The following C1orf141 variants were observed in gnomAD, a reference collection of about 807,000 sequenced individuals.
C1orf141 encodes chromosome 1 open reading frame 141, also known as uncharacterized protein C1orf141.
A neutral mutation model predicts 23.2 loss-of-function variants in C1orf141; 19 were observed. That is an observed-to-expected ratio of 0.82 (90% CI 0.57 to 1.20). The LOEUF (loss-of-function observed/expected upper bound fraction) is 1.20. Ranked by LOEUF, C1orf141 falls within the 50% of genes most tolerant of loss-of-function variation. C1orf141 has a pLI of 0.00. For missense variants in C1orf141, 469 were observed against 455.1 expected, an observed-to-expected ratio of 1.03 and a Z score of -0.28; for synonymous variants, 153 against 154.6, an observed-to-expected ratio of 0.99 and a Z score of 0.08.
At chr1:67,106,471 A>C (rs1394231431) in intron 5 of C1orf141, among the ~76,000 whole-genome samples, 1 of 152,040 alleles carries the variant, frequency 6.6e-6, no homozygotes, top group Non-Finnish European at 1.5e-5. Context: ...ACATGGTGAA[A>C]CCCTGTCTCT....
At chr1:67,141,197 A>G (rs1357914983) in intron 1 of C1orf141, among the ~76,000 whole-genome samples, 4 of 152,350 alleles carry the variant, frequency 2.6e-5, no homozygotes, top group African/African-American at 7.2e-5. Flanking sequence ...AAAGAAAAAG[A>G]TCTGTAATAA....
intron 5 of C1orf141, among the ~76,000 whole-genome samples, chr1:67,102,949 C>A (rs1321721139): frequency 6.6e-6 from 1 of 151,942 alleles, no homozygotes; most frequent in Non-Finnish European, 1.5e-5. Flanking sequence ...CTATTAAAGA[C>A]AATCAGGAAT....
At chr1:67,117,336 T>C (rs981418012) in intron 4 of C1orf141, among the ~76,000 whole-genome samples, 15 of 152,124 alleles carry the variant, frequency 9.9e-5, no homozygotes, top group Admixed American at 2.0e-4. Flanking sequence ...GGCAGGAGAA[T>C]TGCTTGAATC....
At chr1:67,099,179 A>G (rs573219664) in intron 5 of C1orf141, among the ~76,000 whole-genome samples, 66 of 152,334 alleles carry the variant, frequency 4.3e-4, no homozygotes, top group African/African-American at 1.5e-3. Flanking sequence ...AAAAAAGCAG[A>G]TTGTAAAGAA....
intron 7 of C1orf141, 38 bp from the exon 8 acceptor site, chr1:67,093,642 A>AT (rs952288813): frequency 1.4e-6 from 2 of 1,469,042 alleles, no homozygotes; most frequent in Non-Finnish European, 1.8e-6. Context: ...TCATAAGTTC[A>AT]TTGAGTCAAG....
rs1570668188 is a variant in C1orf141, at chr1:67,093,126, G to A, written c.1082C>T (p.Thr361Ile). ...FSAGKPTSIP[T>I]SSALPVKCYS... is the part of the protein sequence containing the mutation. ...ACATTTGACAGGTAAGGCACTGGAT[G>A]TGGGTATGCTCGTTGGTTTTCCTGC... Residue 361 changes from threonine (T) to isoleucine (I), a missense_variant, in exon 8 of 8, where the codon ACA becomes ATA. Physicochemically the swap from Thr to Ile is moderately conservative, Grantham distance 89. Around this residue, in one of 3 missense-constraint regions of C1orf141, gnomAD observed 370 missense variants for 348.1 expected, o/e 1.06. Transcript: ENST00000684719. 1 of 1,613,980 alleles carries A rather than the reference G, an allele frequency of 6.2e-7. No individual in the cohort carries two copies. The highest frequency in any genetic ancestry group is 1.7e-4 in the Middle Eastern group (1 of 6,060).
Position 67,093,561 on chromosome 1 carries a change from T to C in C1orf141, c.647A>G (p.Tyr216Cys). The C allele has an allele frequency of 6.3e-7, 1 of 1,582,366 alleles. No individual in the cohort carries two copies. Among genetic ancestry groups the C allele is most frequent in the Non-Finnish European group, 8.6e-7 (1 of 1,164,636 alleles). ...TTTTGTCAAAAGTAACATTCGTACA[T>C]ATTCTGTGTCATGGAAAATTATGGG... ...TNPIIFHDTE[Y>C]VRMLLLTKNR... The change falls in exon 8 of 8, where the codon TAT (tyrosine) becomes TGT (cysteine). Residue 216 changes from tyrosine (Y) to cysteine (C), a missense_variant. Coordinates refer to ENST00000684719, the MANE Select transcript of C1orf141 (RefSeq NM_001276351.2).
intron 2 of C1orf141, among the ~76,000 whole-genome samples, chr1:67,130,037 T>A (rs1191894054): frequency 6.6e-6 from 1 of 152,236 alleles, no homozygotes; most frequent in Non-Finnish European, 1.5e-5. Flanking sequence ...ATAATGTGAA[T>A]GCTGATGACT....
At chr1:67,127,396 A>G (rs1646435186) in intron 2 of C1orf141, 139 bp from the exon 3 acceptor site, 2 of 569,114 alleles carry the variant, frequency 3.5e-6, no homozygotes, top group Non-Finnish European at 6.1e-6. Context: ...AGTAAATCAT[A>G]GAATTGTAAA....
chr1:67,092,921 C>T lies in C1orf141; in HGVS notation c.*84G>A. On this transcript the variant is annotated 3_prime_UTR_variant, in exon 8 of 8. Coordinates refer to ENST00000684719, the MANE Select transcript of C1orf141 (RefSeq NM_001276351.2). ...TCTTATATGATCAATTAGAACATTA[C>T]TATTTGGATAAGAATTTCTTTTATA... 1 of 1,064,968 alleles carries T rather than the reference C, an allele frequency of 9.4e-7. No individual in the cohort carries two copies. The highest frequency in any genetic ancestry group is 1.4e-6 in the Non-Finnish European group (1 of 734,348). 66.0% of individuals were successfully genotyped at this position (1,064,968 alleles called of 1,614,324 possible). A position where few individuals can be genotyped will look rare whatever the true frequency, so the allele number is the denominator to read the frequency against.
chr1:67,138,000 A>G (rs1233776498), upstream of C1orf141, among the ~76,000 whole-genome samples: 1 of 152,106 alleles, frequency 6.6e-6, no homozygotes, highest in Non-Finnish European at 1.5e-5. Flanking sequence ...TTCCTTTCAC[A>G]TCTTTAAGTT....
At chr1:67,129,583 A>G (rs1479945345) in intron 2 of C1orf141, among the ~76,000 whole-genome samples, 1 of 152,184 alleles carries the variant, frequency 6.6e-6, no homozygotes, top group Non-Finnish European at 1.5e-5. Context: ...CAGGATTGTG[A>G]AAGCTGATCA....
In C1orf141 at chr1:67,093,055, G is replaced by T. The variant is rs535752897; in HGVS notation, c.1153C>A (p.Pro385Thr). ...GATAAGTTTAACAAATTATCCAGTG[G>T]CGTTACATTATTTAGTTCATATATA... ...KYIYELNNVT[P>T]LDNLLNLSNE... The change falls in exon 8 of 8, where the codon CCA becomes ACA. Residue 385 changes from proline (P) to threonine (T), a missense_variant. Around this residue, in one of 3 missense-constraint regions of C1orf141, gnomAD observed 370 missense variants for 348.1 expected, o/e 1.06. Transcript: ENST00000684719. 21 of 1,598,184 alleles carry T rather than the reference G, an allele frequency of 1.3e-5. No individual in the cohort carries two copies. Among genetic ancestry groups the T allele is most frequent in the Middle Eastern group, 3.3e-4 (2 of 6,010 alleles).
At chr1:67,110,387 T>G (rs1439886041) in intron 5 of C1orf141, among the ~76,000 whole-genome samples, 1 of 152,184 alleles carries the variant, frequency 6.6e-6, no homozygotes, top group East Asian at 1.9e-4. Flanking sequence ...AGAGGCAGGA[T>G]GCACGGTGGT....
intron 1 of C1orf141, among the ~76,000 whole-genome samples, chr1:67,141,077 G>A (rs1370055925): frequency 3.9e-5 from 6 of 152,170 alleles, no homozygotes; most frequent in African/African-American, 7.2e-5. Flanking sequence ...GAAGAAATAC[G>A]TAATAACATA....
intron 4 of C1orf141, among the ~76,000 whole-genome samples, chr1:67,120,484 C>T (rs1378143659): frequency 6.6e-6 from 1 of 152,132 alleles, no homozygotes; most frequent in Non-Finnish European, 1.5e-5. Flanking sequence ...TGAATATTTG[C>T]ATCCCCCCCT....
Position 67,092,908 on chromosome 1 carries a change from A to G in C1orf141, c.*97T>C. 1 of 940,084 alleles carries G rather than the reference A, an allele frequency of 1.1e-6. No individual in the cohort carries two copies. Among genetic ancestry groups the G allele is most frequent in the Non-Finnish European group, 1.6e-6 (1 of 627,850 alleles). The allele number at this position is 940,084 out of a possible 1,614,324, so 58.2% of individuals were successfully genotyped here. A position where few individuals can be genotyped will look rare whatever the true frequency, so the allele number is the denominator to read the frequency against. On this transcript the variant is annotated 3_prime_UTR_variant, in exon 8 of 8. Coordinates refer to ENST00000684719, the MANE Select transcript of C1orf141 (RefSeq NM_001276351.2). Reference sequence around the variant, plus strand: ...CTATGCTTTGCTTTCTTATATGATCAATTAGAACATTACTATTTGGATAAG... The same window carrying G: ...CTATGCTTTGCTTTCTTATATGATCGATTAGAACATTACTATTTGGATAAG...
chr1:67,093,678 T>C, intron 7 of C1orf141, 74 bp from the exon 8 acceptor site: 3 of 1,182,332 alleles, frequency 2.5e-6, no homozygotes, highest in Non-Finnish European at 3.5e-6. Flanking sequence ...TTAAAACATG[T>C]AAATAAAATT....
At position 67,125,679 on chromosome 1, in the gene C1orf141, ATGAG is replaced by A. The variant is rs749279717; in HGVS notation, c.233+69_233+72del. 14 of 1,404,974 alleles carry A rather than the reference ATGAG, an allele frequency of 1.0e-5. No homozygotes were observed. In the South Asian group the frequency reaches 1.6e-4, roughly 16 times the overall value. The allele number at this position is 1,404,974 out of a possible 1,614,324, so 87.0% of individuals were successfully genotyped here. A position where few individuals can be genotyped will look rare whatever the true frequency, so the allele number is the denominator to read the frequency against. On this transcript the variant is annotated intron_variant, in intron 4 of 7. Transcript: ENST00000684719. ...GCACCACTGCACTCTACCCTAGGCA[ATGAG>A]TGAGTCCTTGTTTCACAAACAAACA...
Sources: gnomAD v4.1 joint callset for allele counts (sites outside exome capture counted in the v4.1 genomes callset) on GRCh38, gnomAD v4.1.1 for gene constraint, gnomAD v4.1.1 regional missense constraint, MANE v1.5 for transcripts, NCBI Gene and HGNC (gene_info 2026-07-23, HGNC 2026-07-21) for gene names.